Variants in ITGA5 observed in about 807,000 individuals in gnomAD.
The protein encoded by ITGA5 is integrin alpha-5.
A neutral mutation model predicts 146.3 loss-of-function variants in ITGA5; 55 were observed. The observed-to-expected ratio is 0.38, with a 90% CI of 0.30 to 0.47. ITGA5 has a LOEUF of 0.47. Ranked by LOEUF, ITGA5 falls within the 20% of genes least tolerant of loss-of-function variation. ITGA5 has a pLI of 0.99. For synonymous variants in ITGA5, 500 were observed against 531.8 expected (o/e 0.94, Z 0.82); for missense variants, 1,131 against 1,329.0 (o/e 0.85, Z 2.32).
Position 54,403,897 on chromosome 12 carries a change from G to A in ITGA5, c.1621+14C>T. ...CTGTCCTAGGGCCTGAGAGATCCAG[G>A]CAGTCTCCCTCACCAATGGAGTCAG... On this transcript the variant is annotated intron_variant, in intron 16 of 29. Coordinates refer to ENST00000293379, the MANE Select transcript of ITGA5 (RefSeq NM_002205.5). The surrounding 1 kb of genome is among the most constrained non-coding windows in gnomAD (Gnocchi z 4.9). 1 of 1,613,782 alleles carries A rather than the reference G, an allele frequency of 6.2e-7. No individual in the cohort carries two copies. The highest frequency in any genetic ancestry group is 2.2e-5 in the East Asian group (1 of 44,884).
At position 54,403,222 on chromosome 12, in the gene ITGA5, G is replaced by T; in HGVS notation, c.1879C>A (p.Leu627Ile). Reference protein sequence around the residue: ...PVDSHGLRPALHYQSKSRIED... With the variant: ...PVDSHGLRPAIHYQSKSRIED... ...ATCCGGCTCTTGCTCTGATAATGTAGGGCTGGCCTGAGGCCGTGGCTGTCC... is the reference window on the plus strand; with the variant it reads ...ATCCGGCTCTTGCTCTGATAATGTATGGCTGGCCTGAGGCCGTGGCTGTCC... The change falls in exon 18 of 30, where the codon CTA (leucine) becomes ATA (isoleucine). Residue 627 changes from leucine to isoleucine, a missense_variant. By Grantham distance (5) the Leu-to-Ile change is conservative (BLOSUM62 2). Coordinates refer to ENST00000293379, the MANE Select transcript of ITGA5 (RefSeq NM_002205.5). This position sits in a 1 kb window ranked among gnomAD's most constrained non-coding sequence, Gnocchi z 4.9. The T allele has an allele frequency of 1.9e-6, 3 of 1,567,634 alleles. No individual in the cohort carries two copies. The South Asian group carries it at 3.6e-5, about 19-fold the overall frequency.
At chr12:54,407,506 AGTAAGTGCC>A in intron 9 of ITGA5, 134 bp downstream of exon 9, 1 of 714,874 alleles carries the variant, frequency 1.4e-6, no homozygotes. Context: ...ATTCTGCCAG[AGTAAGTGCC>A]AGAACTTGAA....
chr12:54,412,095 A>T, intron 1 of ITGA5, 131 bp from the exon 2 acceptor site: 1 of 652,154 alleles, frequency 1.5e-6, no homozygotes, highest in Non-Finnish European at 2.4e-6. Context: ...CGTTGTATTT[A>T]TATCTCAGAA....
chr12:54,409,411 C>T lies in ITGA5; in HGVS notation c.463-59G>A. 1 of 1,607,996 alleles carries T rather than the reference C, an allele frequency of 6.2e-7. No individual in the cohort carries two copies. The highest frequency in any genetic ancestry group is 8.5e-7 in the Non-Finnish European group (1 of 1,177,116). ...CAGTCCAATAAGGCCCTTCCTCCCT[C>T]CCTCCAGGCCCGGCCTTACCCAACC... On this transcript the variant is annotated intron_variant, in intron 3 of 29. Coordinates refer to ENST00000293379, the MANE Select transcript of ITGA5 (RefSeq NM_002205.5). This position sits in a 1 kb window ranked among gnomAD's most constrained non-coding sequence, Gnocchi z 4.7.
chr12:54,407,332 G>A, intron 9 of ITGA5: 1 of 393,202 alleles, frequency 2.5e-6, no homozygotes, highest in South Asian at 3.2e-5. Context: ...ACATCTGCCA[G>A]TTGTACATTG....
chr12:54,402,558 C>A (rs994176059), intron 19 of ITGA5, among the ~76,000 whole-genome samples: 2 of 151,774 alleles, frequency 1.3e-5, no homozygotes, highest in African/African-American at 4.8e-5. Flanking sequence ...AAAATTAGCC[C>A]GGCATGGTGG....
At position 54,401,980 on chromosome 12, in the gene ITGA5, C is replaced by G. The variant is rs972858358; in HGVS notation, c.2226+21G>C. 13 of 1,612,714 alleles carry G rather than the reference C, an allele frequency of 8.1e-6. No individual in the cohort carries two copies. Among genetic ancestry groups the G allele is most frequent in the Non-Finnish European group, 1.1e-5 (13 of 1,178,854 alleles). ...CAGGTCTGCTCTCCCTCTGTCCCAT[C>G]CTCTTTCATCCCAAACTTACACTGG... On this transcript the variant is annotated intron_variant, in intron 21 of 29. Transcript: ENST00000293379. The surrounding 1 kb of genome is among the most constrained non-coding windows in gnomAD (Gnocchi z 5.0).
intron 1 of ITGA5, among the ~76,000 whole-genome samples, chr12:54,413,660 G>A (rs1162580923): frequency 6.6e-6 from 1 of 152,176 alleles, no homozygotes; most frequent in East Asian, 1.9e-4. Context: ...TCTCAGCAGG[G>A]GCAGCCCCCA....
intron 25 of ITGA5, 68 bp from the exon 26 acceptor site, chr12:54,400,015 TC>T: frequency 9.0e-7 from 1 of 1,107,372 alleles, no homozygotes; most frequent in Non-Finnish European, 1.4e-6. Context: ...GCACCTGGGT[TC>T]CAGAGCAGCT....
chr12:54,397,730 G>A (rs1313887253), intron 28 of ITGA5, among the ~76,000 whole-genome samples: 1 of 152,130 alleles, frequency 6.6e-6, no homozygotes, highest in East Asian at 1.9e-4. Context: ...ATCAGGTCTG[G>A]AGCAGGCCCA....
Position 54,397,434 on chromosome 12 carries a change from C to T in ITGA5, c.2997G>A (p.Leu999=). Residue 999 remains leucine, a synonymous_variant, in exon 29 of 30, where the codon CTG becomes CTA. Transcript: ENST00000293379. Reference sequence around the variant, plus strand: ...ACAGGATGGCTAGGATGATGATCCACAGTGGGACGCCATAGCTGCCTTCTG... The same window carrying T: ...ACAGGATGGCTAGGATGATGATCCATAGTGGGACGCCATAGCTGCCTTCTG... ...TKAEGSYGVP[L]WIIILAILFG... is the part of the protein sequence containing the mutation. 6.2e-7 allele frequency: 1 copy of T among 1,614,178 alleles called. No individual in the cohort carries two copies. The highest frequency in any genetic ancestry group is 1.1e-5 in the South Asian group (1 of 91,084).
chr12:54,418,931 C>T, intron 1 of ITGA5, 50 bp downstream of exon 1: 1 of 1,588,792 alleles, frequency 6.3e-7, no homozygotes, highest in Non-Finnish European at 8.6e-7. Flanking sequence ...CGCCCCCAGT[C>T]TCCAGGCGGC....
At chr12:54,402,132 C>T (rs1260662990) in intron 20 of ITGA5, 39 bp from the exon 21 acceptor site, 6 of 1,613,716 alleles carry the variant, frequency 3.7e-6, no homozygotes, top group Non-Finnish European at 5.1e-6. Context: ...TTTGGTGTCC[C>T]CTCTAGAGGG....
In ITGA5 at chr12:54,408,760, C is replaced by T. The variant is rs1955901815; in HGVS notation, c.687G>A (p.Trp229Ter). The change falls in exon 6 of 30, where the codon TGG (tryptophan) becomes TGA (stop). Residue 229 changes from tryptophan to a stop codon, truncating the protein, a stop_gained. Coordinates refer to ENST00000293379, the MANE Select transcript of ITGA5 (RefSeq NM_002205.5). LOFTEE classifies it high-confidence loss of function. ...VVLGGPGSYFWQGQILSATQE... is the reference protein window; with the variant it reads ...VVLGGPGSYF ...AATGGCAGAGACAGGACTTACCTTG[C>T]CAGAAATAGCTTCCTGGTCCACCTA... 6.2e-7 allele frequency: 1 copy of T among 1,610,932 alleles called. No homozygotes were observed. The highest frequency in any genetic ancestry group is 1.3e-5 in the African/African-American group (1 of 74,550).
At chr12:54,399,617 G>A (rs764956878) in intron 27 of ITGA5, 28 bp downstream of exon 27, 48 of 1,532,082 alleles carry the variant, frequency 3.1e-5, no homozygotes, top group Non-Finnish European at 4.3e-5. Context: ...AAAGGTCAGG[G>A]GTCAGGGCTG....
At chr12:54,404,117 C>G (rs1458287950) in intron 15 of ITGA5, 28 bp downstream of exon 15, 3 of 1,570,964 alleles carry the variant, frequency 1.9e-6, no homozygotes, top group Non-Finnish European at 2.6e-6. Flanking sequence ...AGGCTCAGGT[C>G]TCTGCAATTT....
intron 1 of ITGA5, 92 bp downstream of exon 1, chr12:54,418,889 C>T: frequency 6.9e-7 from 1 of 1,442,106 alleles, no homozygotes; most frequent in Non-Finnish European, 9.4e-7. Flanking sequence ...CACCCTCAAA[C>T]TTAAGCCCTG....
At chr12:54,406,952 G>T (rs1955873636) in intron 9 of ITGA5, among the ~76,000 whole-genome samples, 1 of 152,224 alleles carries the variant, frequency 6.6e-6, no homozygotes, top group Non-Finnish European at 1.5e-5. Flanking sequence ...GATTAAGAGA[G>T]ACCTGATTTT....
In ITGA5 at chr12:54,409,374, G is replaced by C. The variant is rs767966528; in HGVS notation, c.463-22C>G. ...ATGCCTGGGAGGGCCCAGGAGGAGGGGCCTTCAGATTCAGTCCAATAAGGC... is the reference window on the plus strand; with the variant it reads ...ATGCCTGGGAGGGCCCAGGAGGAGGCGCCTTCAGATTCAGTCCAATAAGGC... On this transcript the variant is annotated intron_variant, in intron 3 of 29. Coordinates refer to ENST00000293379, the MANE Select transcript of ITGA5 (RefSeq NM_002205.5). The surrounding 1 kb of genome is among the most constrained non-coding windows in gnomAD (Gnocchi z 4.7). 1.2e-6 allele frequency: 2 copies of C among 1,610,168 alleles called. No homozygotes were observed. Among genetic ancestry groups the C allele is most frequent in the South Asian group, 2.2e-5 (2 of 90,732 alleles).
Sources: allele counts gnomAD v4.1 joint callset (sites outside exome capture counted in the v4.1 genomes callset), GRCh38; gene constraint gnomAD v4.1.1; non-coding constraint Gnocchi (gnomAD v3.1); transcripts MANE v1.5; gene names NCBI Gene and HGNC (gene_info 2026-07-23, HGNC 2026-07-21).